LYZL1: variants seen among roughly 807,000 people sequenced by gnomAD.
LYZL1 encodes lysozyme-like protein 1.
In LYZL1, 16 loss-of-function variants were observed where a neutral mutation model predicts 17.9. That is an observed-to-expected ratio of 0.90 (90% confidence interval 0.61 to 1.36). The LOEUF is 1.36. Ranked by LOEUF, LYZL1 falls within the 40% of genes most tolerant of loss-of-function variation. The pLI, the probability that LYZL1 is intolerant of heterozygous loss-of-function variation, is 0.00. For missense variants in LYZL1, 149 were observed against 188.4 expected (o/e 0.79, Z 1.22); for synonymous variants, 58 against 71.8 (o/e 0.81, Z 0.97).
intron 3 of LYZL1, among the ~76,000 whole-genome samples, chr10:29,316,815 C>T (rs1269508289): frequency 1.3e-5 from 2 of 151,242 alleles, no homozygotes; most frequent in South Asian, 4.2e-4. Context: ...CTTTCAGGCT[C>T]AAGTGAGCCT....
intron 4 of LYZL1, chr10:29,318,072 T>C (rs1212108674): frequency 6.1e-6 from 4 of 660,812 alleles, no homozygotes; most frequent in Non-Finnish European, 7.5e-6. Flanking sequence ...TAATGTGAAA[T>C]AAAGGCATGT....
At chr10:29,295,492 A>C (rs1422931014) in intron 3 of LYZL1, among the ~76,000 whole-genome samples, 6 of 152,198 alleles carry the variant, frequency 3.9e-5, no homozygotes, top group African/African-American at 1.4e-4. Context: ...CTTTCAGTTA[A>C]ATATGAGGAT....
At chr10:29,294,816 C>T (rs1307014079) in intron 3 of LYZL1, among the ~76,000 whole-genome samples, 1 of 152,170 alleles carries the variant, frequency 6.6e-6, no homozygotes, top group East Asian at 1.9e-4. Flanking sequence ...ATACCTAACC[C>T]TGTATATACT....
intron 3 of LYZL1, among the ~76,000 whole-genome samples, chr10:29,294,268 T>C (rs562914603): frequency 1.3e-5 from 2 of 152,154 alleles, no homozygotes; most frequent in Non-Finnish European, 2.9e-5. Flanking sequence ...AGGCTTTCAC[T>C]GATTTCTGCC....
chr10:29,306,908 G>A (rs1835604594), intron 3 of LYZL1, among the ~76,000 whole-genome samples: 1 of 151,978 alleles, frequency 6.6e-6, no homozygotes. Context: ...AGCCTGAAGT[G>A]CGGTGGTGCA....
chr10:29,303,490 G>A (rs1038893953), intron 3 of LYZL1, among the ~76,000 whole-genome samples: 5 of 152,098 alleles, frequency 3.3e-5, no homozygotes, highest in African/African-American at 7.2e-5. Flanking sequence ...TGACTCCATC[G>A]TGGTCATGTT....
In LYZL1 at chr10:29,289,127, G is replaced by C. The variant is rs748985525; in HGVS notation, c.-129G>C. The C allele has an allele frequency of 1.9e-6, 3 of 1,593,346 alleles. No homozygotes were observed. The highest frequency in any genetic ancestry group is 2.6e-6 in the Non-Finnish European group (3 of 1,170,002). On this transcript the variant is annotated 5_prime_UTR_variant, in exon 1 of 5. Transcript: ENST00000649382. ...GACATGGCTTCAGGGGATGCAGGACGCTCCCCTGAGCTGCCTGTCACCGAC... is the reference window on the plus strand; with the variant it reads ...GACATGGCTTCAGGGGATGCAGGACCCTCCCCTGAGCTGCCTGTCACCGAC...
rs768545475 is a variant in LYZL1 at position 29,291,829 on chromosome 10, C to T, written c.-25-14C>T. 94 of 1,550,016 alleles carry T rather than the reference C, an allele frequency of 6.1e-5. 1 individual carries two copies. The East Asian group carries it at 1.1e-3, about 19-fold the overall frequency. On this transcript the variant is annotated splice_polypyrimidine_tract_variant and intron_variant, in intron 1 of 4. Transcript: ENST00000649382. ...AACCAAGATCGTCTGACCTGTTCTCCGGCTCTTTGGCAGGTTCTGTCTCCG... is the reference window on the plus strand; with the variant it reads ...AACCAAGATCGTCTGACCTGTTCTCTGGCTCTTTGGCAGGTTCTGTCTCCG...
chr10:29,300,196 TA>T, intron 3 of LYZL1, among the ~76,000 whole-genome samples: 1 of 152,258 alleles, frequency 6.6e-6, no homozygotes, highest in Non-Finnish European at 1.5e-5. Flanking sequence ...GTTTTCTGTT[TA>T]TGCCATCTAT....
chr10:29,291,084 G>A (rs538981400), intron 1 of LYZL1, among the ~76,000 whole-genome samples: 2 of 152,132 alleles, frequency 1.3e-5, no homozygotes, highest in South Asian at 2.1e-4. Flanking sequence ...GGGCACCGAC[G>A]CCTGCTCAGT....
intron 3 of LYZL1, among the ~76,000 whole-genome samples, chr10:29,299,230 C>T (rs1389001136): frequency 1.3e-5 from 2 of 152,154 alleles, no homozygotes; most frequent in African/African-American, 4.8e-5. Context: ...AGCTCACTTG[C>T]CTGCCGCTCA....
At chr10:29,295,899 T>C (rs1305797337) in intron 3 of LYZL1, among the ~76,000 whole-genome samples, 5 of 152,104 alleles carry the variant, frequency 3.3e-5, no homozygotes, top group Admixed American at 3.3e-4. Context: ...AACAGGGATC[T>C]CAGTCCAACA....
At chr10:29,292,788 A>G in intron 3 of LYZL1, 111 bp downstream of exon 3, 2 of 1,479,996 alleles carry the variant, frequency 1.4e-6, no homozygotes, top group South Asian at 1.3e-5. Context: ...CAGGCTTGCA[A>G]ATAGGTCTGT....
chr10:29,314,370 T>A (rs1835705614), downstream of LYZL1, among the ~76,000 whole-genome samples: 1 of 152,192 alleles, frequency 6.6e-6, no homozygotes, highest in Non-Finnish European at 1.5e-5. Context: ...AAATATTTGA[T>A]GTTGGCCAGC....
At chr10:29,299,409 A>AT (rs1835488052) in intron 3 of LYZL1, among the ~76,000 whole-genome samples, 2 of 151,664 alleles carry the variant, frequency 1.3e-5, no homozygotes, top group Admixed American at 1.3e-4. Context: ...GAAAAAAAAA[A>AT]TGTGTATTTT....
chr10:29,316,607 A>G (rs1182250577), intron 3 of LYZL1, among the ~76,000 whole-genome samples: 2 of 152,188 alleles, frequency 1.3e-5, no homozygotes, highest in Non-Finnish European at 2.9e-5. Context: ...TAGAATAGAT[A>G]GAAAATAATT....
At chr10:29,307,151 G>A (rs1441104530) in intron 3 of LYZL1, among the ~76,000 whole-genome samples, 1 of 152,094 alleles carries the variant, frequency 6.6e-6, no homozygotes, top group Non-Finnish European at 1.5e-5. Context: ...ACTGTGCCCG[G>A]CTACTCTCAG....
At chr10:29,302,342 G>C (rs115402174) in intron 3 of LYZL1, among the ~76,000 whole-genome samples, 2,590 of 152,296 alleles carry the variant, frequency 0.017, 90 homozygotes, top group African/African-American at 0.059. Flanking sequence ...TGTAAGTTAG[G>C]TGCAGAATGG....
intron 3 of LYZL1, among the ~76,000 whole-genome samples, chr10:29,298,771 A>C (rs1403818285): frequency 6.6e-6 from 1 of 152,160 alleles, no homozygotes; most frequent in African/African-American, 2.4e-5. Flanking sequence ...TTATGGTCAG[A>C]GAATATGGTC....
Sources: gnomAD v4.1 joint callset for allele counts (sites outside exome capture counted in the v4.1 genomes callset) on GRCh38, gnomAD v4.1.1 for gene constraint, MANE v1.5 for transcripts, NCBI Gene and HGNC (gene_info 2026-07-23, HGNC 2026-07-21) for gene names.